Variants in TCF12 observed in about 807,000 individuals in gnomAD.
The protein encoded by TCF12 is DNA-binding protein HTF4.
TCF12 carries 45 observed loss-of-function variants against 86.0 expected under a neutral mutation model. That is an observed-to-expected ratio of 0.52 (90% CI 0.41 to 0.67). The LOEUF is 0.67. TCF12 is among the 30% of genes least tolerant of loss of function. TCF12 has a pLI of 0.00. For synonymous variants in TCF12, 330 were observed against 299.6 expected, an observed-to-expected ratio of 1.10 and a Z score of -1.05; for missense variants, 881 against 859.9, an observed-to-expected ratio of 1.02 and a Z score of -0.31.
intron 13 of TCF12, among the ~76,000 whole-genome samples, chr15:57,245,169 C>T (rs572273653): frequency 3.9e-5 from 6 of 152,336 alleles, no homozygotes; most frequent in Non-Finnish European, 5.9e-5. Flanking sequence ...TGGCCCTGGC[C>T]ATCACCTATG....
intron 5 of TCF12, among the ~76,000 whole-genome samples, chr15:57,165,161 TGTGC>T (rs1181184625): frequency 9.3e-5 from 14 of 150,418 alleles, no homozygotes; most frequent in African/African-American, 3.2e-4. Flanking sequence ...TGTGTGTGTG[TGTGC>T]GTACACGAGA....
At chr15:57,183,289 AAT>A (rs1171513674) in intron 6 of TCF12, among the ~76,000 whole-genome samples, 66 of 152,256 alleles carry the variant, frequency 4.3e-4, no homozygotes, top group African/African-American at 1.6e-3. Flanking sequence ...TGCGTGTATG[AAT>A]ATATGTTTGT....
intron 4 of TCF12, among the ~76,000 whole-genome samples, chr15:57,084,341 A>G (rs1022852053): frequency 1.3e-5 from 2 of 152,170 alleles, no homozygotes; most frequent in African/African-American, 4.8e-5. Context: ...CGACAGTGGA[A>G]TTATGGTTTT....
chr15:56,975,508 T>G (rs922888646), intron 3 of TCF12, among the ~76,000 whole-genome samples: 2 of 152,190 alleles, frequency 1.3e-5, no homozygotes, highest in African/African-American at 4.8e-5. Context: ...AATTTCAAAT[T>G]ATTAGAATCT....
chr15:57,122,054 A>G (rs1307247345), intron 5 of TCF12, among the ~76,000 whole-genome samples: 2 of 150,232 alleles, frequency 1.3e-5, no homozygotes, highest in Non-Finnish European at 3.0e-5. Flanking sequence ...TTCTATTTAA[A>G]ATGTTTTCAC....
intron 5 of TCF12, among the ~76,000 whole-genome samples, chr15:57,151,397 G>A (rs2053748573): frequency 6.6e-6 from 1 of 151,940 alleles, no homozygotes; most frequent in African/African-American, 2.4e-5. Context: ...GAATTTGTAG[G>A]CATAGAAACA....
chr15:56,999,783 AG>A (rs1444424024), intron 3 of TCF12, among the ~76,000 whole-genome samples: 1 of 152,142 alleles, frequency 6.6e-6, no homozygotes, highest in African/African-American at 2.4e-5. Flanking sequence ...CTGAGGCTGG[AG>A]AATCCCTTAA....
intron 3 of TCF12, among the ~76,000 whole-genome samples, chr15:56,994,025 A>G (rs1258547231): frequency 2.6e-5 from 4 of 152,204 alleles, no homozygotes; most frequent in African/African-American, 7.2e-5. Context: ...AATGTATGAA[A>G]AAGTCTCAGC....
rs187946942 is a variant in TCF12, at chr15:57,269,828, T to C, written c.1746-3202T>C. On this transcript the variant is annotated intron_variant, in intron 18 of 20. Transcript: ENST00000333725. ...CTTCATTTATGAAACTTAGTTTGGCTGGATATGAAATTCTGGGTTGAAAAT... is the reference window on the plus strand; with the variant it reads ...CTTCATTTATGAAACTTAGTTTGGCCGGATATGAAATTCTGGGTTGAAAAT... Among the ~76,000 whole-genome samples, 12 of 152,308 alleles carry C rather than the reference T, an allele frequency of 7.9e-5. 1 individual carries two copies. The highest frequency in any genetic ancestry group is 4.6e-4 in the Admixed American group (7 of 15,298).
At chr15:57,014,762 A>C (rs2065048270) in intron 3 of TCF12, among the ~76,000 whole-genome samples, 1 of 152,142 alleles carries the variant, frequency 6.6e-6, no homozygotes, top group Non-Finnish European at 1.5e-5. Flanking sequence ...GGTCAGAAGT[A>C]TGATAACCAT....
chr15:57,123,046 A>C (rs187594155), intron 5 of TCF12, among the ~76,000 whole-genome samples: 1 of 152,328 alleles, frequency 6.6e-6, no homozygotes, highest in East Asian at 1.9e-4. Flanking sequence ...ATAATTACCA[A>C]CATTGAAGCA....
At chr15:57,104,365 CA>C (rs1447093269) in intron 5 of TCF12, among the ~76,000 whole-genome samples, 1 of 150,504 alleles carries the variant, frequency 6.6e-6, no homozygotes, top group African/African-American at 2.4e-5. Flanking sequence ...ATAGTTGTAG[CA>C]ATATACTAAG....
chr15:57,178,582 C>G (rs2056121111), intron 6 of TCF12, among the ~76,000 whole-genome samples: 1 of 152,192 alleles, frequency 6.6e-6, no homozygotes, highest in South Asian at 2.1e-4. Flanking sequence ...GATTTCATCT[C>G]CTGTTCTTCT....
At chr15:57,048,552 C>T (rs1339416069) in intron 3 of TCF12, among the ~76,000 whole-genome samples, 2 of 152,182 alleles carry the variant, frequency 1.3e-5, no homozygotes, top group Admixed American at 6.5e-5. Flanking sequence ...TGAGCCGCTG[C>T]ACCCAGCCTC....
intron 3 of TCF12, among the ~76,000 whole-genome samples, chr15:56,965,207 A>T (rs2140640191): frequency 6.6e-6 from 1 of 152,238 alleles, no homozygotes; most frequent in South Asian, 2.1e-4. Flanking sequence ...ATTTGGCTTG[A>T]CTGAATCTAT....
chr15:56,918,940 C>G (rs1266765158), intron 1 of TCF12, 34 bp downstream of exon 1: 1 of 152,314 alleles, frequency 6.6e-6, no homozygotes, highest in East Asian at 1.9e-4. Context: ...AGTGGGGCGG[C>G]GCGGCGGGGC....
chr15:57,151,642 G>A (rs1409595977), intron 5 of TCF12, among the ~76,000 whole-genome samples: 2 of 152,084 alleles, frequency 1.3e-5, no homozygotes, highest in Non-Finnish European at 2.9e-5. Flanking sequence ...GCGCATGCAT[G>A]TAGTCCCAGC....
chr15:57,097,153 C>T (rs2049380669), intron 5 of TCF12, among the ~76,000 whole-genome samples: 1 of 151,982 alleles, frequency 6.6e-6, no homozygotes, highest in Admixed American at 6.6e-5. Flanking sequence ...TGCAATATAA[C>T]CTATGAAAAA....
chr15:57,006,445 C>T (rs886311042), intron 3 of TCF12, among the ~76,000 whole-genome samples: 1 of 150,652 alleles, frequency 6.6e-6, no homozygotes, highest in Middle Eastern at 3.2e-3. Flanking sequence ...GCTGGGATTA[C>T]AGGCGCCTGC....
Sources: allele counts gnomAD v4.1 joint callset (sites outside exome capture counted in the v4.1 genomes callset), GRCh38; gene constraint gnomAD v4.1.1; transcripts MANE v1.5; gene names NCBI Gene and HGNC (gene_info 2026-07-23, HGNC 2026-07-21).